Variants in SLC22A25 observed in about 807,000 individuals in gnomAD.
SLC22A25 encodes solute carrier family 22 member 25.
SLC22A25 carries 44 observed loss-of-function variants against 45.9 expected under a neutral mutation model. That is an observed-to-expected ratio of 0.96 (90% CI 0.75 to 1.23). SLC22A25 has a LOEUF of 1.23. Ranked by LOEUF, SLC22A25 falls within the 50% of genes most tolerant of loss-of-function variation. SLC22A25 has a pLI of 0.00. For synonymous variants in SLC22A25, 283 were observed against 238.6 expected (o/e 1.19, Z -1.72); for missense variants, 800 against 666.4 (o/e 1.20, Z -2.21).
At chr11:63,196,819 C>T (rs1247342295) in intron 7 of SLC22A25, among the ~76,000 whole-genome samples, 1 of 152,002 alleles carries the variant, frequency 6.6e-6, no homozygotes, top group Middle Eastern at 3.2e-3. Flanking sequence ...TCAAATTGTC[C>T]CTGTTTGCAG....
At chr11:63,187,590 G>A (rs1334405207) in intron 7 of SLC22A25, among the ~76,000 whole-genome samples, 1 of 152,184 alleles carries the variant, frequency 6.6e-6, no homozygotes, top group Admixed American at 6.5e-5. Context: ...TGTTGAATAG[G>A]AGTGGTGAGA....
rs116823611 is a variant in SLC22A25 at position 63,173,561 on chromosome 11, A to G, written c.1070+7099T>C. Among the ~76,000 whole-genome samples the G allele has an allele frequency of 7.2e-3, 1,099 of 152,170 alleles. 9 individuals are homozygous for G. The highest frequency in any genetic ancestry group is 0.024 in the African/African-American group (1,007 of 41,538). Reference sequence around the variant, plus strand: ...TTGACACAGTTTCCATTTCTATGCCACTCCCAAATGGCCAGAGAGAAAAAC... The same window carrying G: ...TTGACACAGTTTCCATTTCTATGCCGCTCCCAAATGGCCAGAGAGAAAAAC... On this transcript the variant is annotated intron_variant, in intron 9 of 11. Transcript: ENST00000306494.
chr11:63,240,305 G>A (rs2090227429), intron 1 of SLC22A25, among the ~76,000 whole-genome samples: 1 of 152,160 alleles, frequency 6.6e-6, no homozygotes. Context: ...GAATGTGAAG[G>A]CACTTTTGGG....
chr11:63,234,348 T>C (rs2134852876), intron 3 of SLC22A25, among the ~76,000 whole-genome samples: 1 of 152,346 alleles, frequency 6.6e-6, no homozygotes, highest in South Asian at 2.1e-4. Flanking sequence ...ATATTTAGGA[T>C]AGTTAGCTCT....
rs1228277112 is a variant in SLC22A25, at chr11:63,159,281, G to T, written c.*4543C>A. Among the ~76,000 whole-genome samples, 1 of 152,078 alleles carries T rather than the reference G, an allele frequency of 6.6e-6. No individual in the cohort carries two copies. ...TCTTTTGGGTATATGCCTTTGATAT[G>T]ATTTGGCTGCACCCCCACCCAAATC... On this transcript the variant is annotated 3_prime_UTR_variant, in exon 12 of 12. Coordinates refer to ENST00000306494, the MANE Select transcript of SLC22A25 (RefSeq NM_199352.6).
At chr11:63,172,494 C>T (rs956603714) in intron 9 of SLC22A25, among the ~76,000 whole-genome samples, 4 of 152,108 alleles carry the variant, frequency 2.6e-5, no homozygotes, top group African/African-American at 9.7e-5. Flanking sequence ...ACAGACACTT[C>T]TCAAAATAAG....
chr11:63,197,158 A>T (rs1216404461), intron 7 of SLC22A25, among the ~76,000 whole-genome samples: 2 of 152,238 alleles, frequency 1.3e-5, no homozygotes, highest in African/African-American at 4.8e-5. Flanking sequence ...AAGAATCAGT[A>T]TCGTGAAGAT....
chr11:63,241,454 TC>T (rs2090247091), intron 1 of SLC22A25, among the ~76,000 whole-genome samples: 1 of 152,098 alleles, frequency 6.6e-6, no homozygotes, highest in African/African-American at 2.4e-5. Flanking sequence ...CACAGGTGCA[TC>T]CCCATGCCTC....
rs1474887257 is a variant in SLC22A25 at position 63,180,760 on chromosome 11, T to C, written c.970A>G (p.Met324Val). 3 of 1,612,768 alleles carry C rather than the reference T, an allele frequency of 1.9e-6. No homozygotes were observed. In the African/African-American group the frequency reaches 4.0e-5, roughly 22 times the overall value. Residue 324 changes from methionine (M) to valine (V), a missense_variant, in exon 9 of 12, where the codon ATG (methionine) becomes GTG (valine). Met to Val is a conservative substitution (Grantham distance 21). Coordinates refer to ENST00000306494, the MANE Select transcript of SLC22A25 (RefSeq NM_199352.6). ...TGTGCTGCCTCCAGTTCTTGCTTCA[T>C]GGTGGATTTCAAAACCTTCAACAAC... ...ILTMEVLKST[M>V]KQELEAAQKK...
chr11:63,218,291 TA>T, intron 5 of SLC22A25: 1 of 315,008 alleles, frequency 3.2e-6, no homozygotes, highest in Non-Finnish European at 6.1e-6. Flanking sequence ...AAGGGGGAGC[TA>T]AACGTTAAGT....
intron 3 of SLC22A25, among the ~76,000 whole-genome samples, chr11:63,235,290 G>A (rs148642753): frequency 0.022 from 3,312 of 152,284 alleles, 82 homozygotes; most frequent in African/African-American, 0.062. Context: ...CCAGTTAGAC[G>A]TAGATTTGTT....
intron 7 of SLC22A25, among the ~76,000 whole-genome samples, chr11:63,213,995 A>G (rs1040592810): frequency 6.6e-6 from 1 of 152,200 alleles, no homozygotes; most frequent in Non-Finnish European, 1.5e-5. Context: ...AATTTAATTT[A>G]ACCAACTGTT....
At chr11:63,218,295 C>T (rs1194937321) in intron 5 of SLC22A25, 3 of 315,330 alleles carry the variant, frequency 9.5e-6, no homozygotes, top group South Asian at 2.9e-5. Flanking sequence ...GGGAGCTAAA[C>T]GTTAAGTACA....
At position 63,185,096 on chromosome 11, in the gene SLC22A25, G is replaced by A. The variant is rs145491403; in HGVS notation, c.831-1279C>T. Among the ~76,000 whole-genome samples the A allele has an allele frequency of 6.5e-4, 99 of 152,148 alleles. No homozygotes were observed. The East Asian group carries it at 0.017, about 26-fold the overall frequency. ...CTGACCTGATAAAGCTGAAAAACAC[G>A]CTACAAGAATTTCATAATGCAATCA... is the stretch of plus-strand genomic sequence containing the variant. On this transcript the variant is annotated intron_variant, in intron 7 of 11. Coordinates refer to ENST00000306494, the MANE Select transcript of SLC22A25 (RefSeq NM_199352.6).
intron 3 of SLC22A25, among the ~76,000 whole-genome samples, chr11:63,231,413 A>T (rs2134846254): frequency 6.6e-6 from 1 of 152,238 alleles, no homozygotes; most frequent in Admixed American, 6.5e-5. Context: ...GGTGATGAGC[A>T]TTTTTTCATG....
chr11:63,231,833 T>G (rs1233697723), intron 3 of SLC22A25, among the ~76,000 whole-genome samples: 5 of 152,174 alleles, frequency 3.3e-5, no homozygotes, highest in African/African-American at 9.6e-5. Flanking sequence ...AGGGATCCAG[T>G]TTCAGCTTTC....
In SLC22A25 at chr11:63,180,775, C is replaced by T; in HGVS notation, c.955G>A (p.Val319Ile). Residue 319 changes from valine to isoleucine, a missense_variant and splice_region_variant, in exon 9 of 12, where the codon GTT (valine) becomes ATT (isoleucine). Transcript: ENST00000306494. ...TCTTGCTTCATGGTGGATTTCAAAACCTTCAACAACAACAGAAGCAATAAA... is the reference window on the plus strand; with the variant it reads ...TCTTGCTTCATGGTGGATTTCAAAATCTTCAACAACAACAGAAGCAATAAA... ...KNAEDILTME[V>I]LKSTMKQELE... The T allele has an allele frequency of 1.2e-6, 2 of 1,609,636 alleles. No individual in the cohort carries two copies. Among genetic ancestry groups the T allele is most frequent in the Non-Finnish European group, 1.7e-6 (2 of 1,177,096 alleles).
At chr11:63,167,482 A>T (rs946929102) in intron 9 of SLC22A25, 2 of 152,246 alleles carry the variant, frequency 1.3e-5, no homozygotes, top group Non-Finnish European at 2.9e-5. Flanking sequence ...TTGGTGGGAG[A>T]GGAATGTCCA....
chr11:63,190,917 C>A lies in SLC22A25; in HGVS notation c.831-7100G>T, dbSNP rs1242073030. Among the ~76,000 whole-genome samples the A allele has an allele frequency of 3.9e-5, 6 of 152,168 alleles. No homozygotes were observed. The East Asian group carries it at 9.6e-4, about 24-fold the overall frequency. ...GACTGTTCCTCTGGAAGTTTTGTCT[C>A]AGAGGAGTACCCAGCCGTGTGAGGT... is the stretch of plus-strand genomic sequence containing the variant. On this transcript the variant is annotated intron_variant, in intron 7 of 11. Transcript: ENST00000306494.
Sources: allele counts gnomAD v4.1 joint callset (sites outside exome capture counted in the v4.1 genomes callset), GRCh38; gene constraint gnomAD v4.1.1; transcripts MANE v1.5; gene names NCBI Gene and HGNC (gene_info 2026-07-23, HGNC 2026-07-21).